The following INPP4B variants were observed in gnomAD, a reference collection of about 807,000 sequenced individuals.
INPP4B encodes inositol polyphosphate 4-phosphatase type II.
INPP4B carries 55 observed loss-of-function variants against 122.5 expected under a neutral mutation model. The ratio of observed to expected loss-of-function variants is 0.45; its 90% CI spans 0.36 to 0.56. INPP4B has a LOEUF of 0.56. Ranked by LOEUF, INPP4B falls within the 20% of genes least tolerant of loss-of-function variation. INPP4B has a pLI of 0.00. For missense variants in INPP4B, 1,000 were observed against 1,097.7 expected (o/e 0.91, Z 1.26); for synonymous variants, 403 against 388.7 (o/e 1.04, Z -0.43).
At chr4:142,572,516 G>A (rs920154369) in intron 2 of INPP4B, among the ~76,000 whole-genome samples, 72 of 152,152 alleles carry the variant, frequency 4.7e-4, no homozygotes, top group African/African-American at 1.7e-3. Context: ...GCACAAATCA[G>A]TGAGAAATTT....
At chr4:142,281,281 C>G (rs137977819) in intron 9 of INPP4B, among the ~76,000 whole-genome samples, 203 of 149,974 alleles carry the variant, frequency 1.4e-3, no homozygotes, top group African/African-American at 4.7e-3. Flanking sequence ...TTTTCAGAAG[C>G]AAAAAATAGA....
chr4:142,268,349 A>AAAAAAAAAAAAAAAGG (rs1579529886), intron 10 of INPP4B, among the ~76,000 whole-genome samples: 1 of 142,880 alleles, frequency 7.0e-6, no homozygotes, highest in Non-Finnish European at 1.5e-5. Context: ...AAAAAAAATG[A>AAAAAAAAAAAAAAAGG]GGGGTAAGTA....
At chr4:142,523,679 T>C (rs1826409187) in intron 2 of INPP4B, among the ~76,000 whole-genome samples, 1 of 151,974 alleles carries the variant, frequency 6.6e-6, no homozygotes, top group African/African-American at 2.4e-5. Flanking sequence ...TATTATACTT[T>C]AAGTTTTAGG....
At chr4:142,344,477 A>C (rs1336088518) in intron 7 of INPP4B, among the ~76,000 whole-genome samples, 1 of 152,052 alleles carries the variant, frequency 6.6e-6, no homozygotes, top group Non-Finnish European at 1.5e-5. Context: ...GCAAAGTCCG[A>C]GTTGACAGTG....
In INPP4B at chr4:142,317,069, G is replaced by A. The variant is rs1276156167; in HGVS notation, c.373-2307C>T. Among the ~76,000 whole-genome samples the A allele has an allele frequency of 2.0e-5, 3 of 152,186 alleles. No homozygotes were observed. The East Asian group carries it at 5.8e-4, about 29-fold the overall frequency. On this transcript the variant is annotated intron_variant, in intron 7 of 25. Coordinates refer to ENST00000262992, the MANE Select transcript of INPP4B (RefSeq NM_001101669.3). Reference sequence around the variant, plus strand: ...GAAGAATAACTATTTTATCCTGTGAGTTTCAGGAAAGGCTTCACAAAAGAG... The same window carrying A: ...GAAGAATAACTATTTTATCCTGTGAATTTCAGGAAAGGCTTCACAAAAGAG...
At chr4:142,322,970 G>C (rs1392283426) in intron 7 of INPP4B, among the ~76,000 whole-genome samples, 2 of 152,160 alleles carry the variant, frequency 1.3e-5, no homozygotes, top group Admixed American at 6.5e-5. Context: ...AAATAAATGA[G>C]ATTACTTTTT....
intron 25 of INPP4B, among the ~76,000 whole-genome samples, chr4:142,070,961 T>G (rs1766894210): frequency 6.6e-6 from 1 of 152,176 alleles, no homozygotes; most frequent in African/African-American, 2.4e-5. Flanking sequence ...ACCAATGACT[T>G]TCTTCACAGA....
At position 142,639,432 on chromosome 4, in the gene INPP4B, T is replaced by C. The variant is rs139534024; in HGVS notation, c.-191+86407A>G. On this transcript the variant is annotated intron_variant, in intron 2 of 25. Coordinates refer to ENST00000262992, the MANE Select transcript of INPP4B (RefSeq NM_001101669.3). The stretch of plus-strand genomic sequence containing the variant: ...ATTGATTAAATAGGTTTATTCAGAT[T>C]GTCTATTTCTTCTTGTGTGAGTTTT... Among the ~76,000 whole-genome samples the C allele has an allele frequency of 3.6e-3, 544 of 152,308 alleles. 2 individuals are homozygous for C. Among genetic ancestry groups the C allele is most frequent in the Middle Eastern group, 6.8e-3 (2 of 294 alleles).
intron 22 of INPP4B, among the ~76,000 whole-genome samples, chr4:142,109,281 C>G (rs750896829): frequency 2.0e-5 from 3 of 152,120 alleles, no homozygotes; most frequent in Non-Finnish European, 4.4e-5. Context: ...GGACCCTTGT[C>G]AGATCATTCA....
intron 12 of INPP4B, among the ~76,000 whole-genome samples, chr4:142,219,790 A>G (rs531634883): frequency 6.6e-6 from 1 of 152,294 alleles, no homozygotes; most frequent in South Asian, 2.1e-4. Context: ...GGAAAACACC[A>G]GGCTCTATTG....
chr4:142,134,289 G>A (rs4956317), intron 18 of INPP4B, among the ~76,000 whole-genome samples: 18,508 of 152,096 alleles, frequency 0.12, 1,827 homozygotes, highest in African/African-American at 0.27. Context: ...AATGTAAATG[G>A]CTTGACAAAG....
rs9993063 is a variant in INPP4B, at chr4:142,253,917, G to T, written c.688+6575C>A. ...TCTGGGGGCAGGGCACAGACAAACA[G>T]AAAGACAGCAGTAACCTCTTCAGAC... On this transcript the variant is annotated intron_variant, in intron 11 of 25. Coordinates refer to ENST00000262992, the MANE Select transcript of INPP4B (RefSeq NM_001101669.3). Among the ~76,000 whole-genome samples the T allele has an allele frequency of 9.4e-3, 1,435 of 152,274 alleles. 30 individuals carry two copies. The highest frequency in any genetic ancestry group is 0.033 in the African/African-American group (1,373 of 41,572).
At chr4:142,223,906 C>G (rs1308559765) in intron 12 of INPP4B, among the ~76,000 whole-genome samples, 1 of 152,158 alleles carries the variant, frequency 6.6e-6, no homozygotes, top group Admixed American at 6.5e-5. Flanking sequence ...GAGAAACAGA[C>G]AGAAACCTAC....
chr4:142,434,772 G>T (rs1312172130), intron 3 of INPP4B, among the ~76,000 whole-genome samples: 1 of 152,132 alleles, frequency 6.6e-6, no homozygotes, highest in Non-Finnish European at 1.5e-5. Context: ...CAGAAAGCAT[G>T]AGAGAGGACA....
chr4:142,753,861 T>C (rs1770104544), intron 1 of INPP4B, among the ~76,000 whole-genome samples: 1 of 152,078 alleles, frequency 6.6e-6, no homozygotes, highest in Non-Finnish European at 1.5e-5. Context: ...TTATTACATG[T>C]AATTTTATTT....
At chr4:142,688,362 A>G (rs1422428628) in intron 2 of INPP4B, among the ~76,000 whole-genome samples, 1 of 151,882 alleles carries the variant, frequency 6.6e-6, no homozygotes, top group African/African-American at 2.4e-5. Context: ...ACCATGAGTG[A>G]TTTTTTTTGC....
rs147009373 is a variant in INPP4B at position 142,638,219 on chromosome 4, A to C, written c.-191+87620T>G. On this transcript the variant is annotated intron_variant, in intron 2 of 25. Transcript: ENST00000262992. The stretch of plus-strand genomic sequence containing the variant: ...TTTAGTAAAGTCCAGCTTACCAATT[A>C]TTTCTTTCATGGATTGTGCCTTTGG... Among the ~76,000 whole-genome samples the C allele has an allele frequency of 2.6e-5, 4 of 152,208 alleles. No homozygotes were observed. The East Asian group carries it at 7.7e-4, about 29-fold the overall frequency.
intron 2 of INPP4B, among the ~76,000 whole-genome samples, chr4:142,643,362 G>C (rs1750975675): frequency 6.6e-6 from 1 of 152,150 alleles, no homozygotes; most frequent in Admixed American, 6.6e-5. Flanking sequence ...TGTATAAAGT[G>C]ATTTAGGGAT....
At chr4:142,437,551 A>C (rs2149416244) in intron 3 of INPP4B, among the ~76,000 whole-genome samples, 1 of 152,294 alleles carries the variant, frequency 6.6e-6, no homozygotes, top group East Asian at 1.9e-4. Context: ...CCAGACTAAC[A>C]GCAGATCTCT....
Sources: allele counts gnomAD v4.1 joint callset (sites outside exome capture counted in the v4.1 genomes callset), GRCh38; gene constraint gnomAD v4.1.1; transcripts MANE v1.5; gene names NCBI Gene and HGNC (gene_info 2026-07-23, HGNC 2026-07-21).